Variants in DSE observed in about 807,000 individuals in gnomAD.
DSE encodes the protein dermatan-sulfate epimerase.
DSE carries 36 observed loss-of-function variants against 84.4 expected under a neutral mutation model. The observed-to-expected ratio is 0.43, with a 90% CI of 0.33 to 0.56. DSE has a LOEUF of 0.56. Among genes scored for constraint, DSE ranks in the 20% least tolerant of loss-of-function variants. DSE has a pLI of 0.06. For missense variants in DSE, 862 were observed against 1,169.6 expected, an observed-to-expected ratio of 0.74 and a Z score of 3.84; for synonymous variants, 410 against 430.1, an observed-to-expected ratio of 0.95 and a Z score of 0.58.
chr6:116,435,983 C>A lies in DSE; in HGVS notation c.1515C>A (p.Asp505Glu). ...CCTGGGTGGGTCAGGTCACAGAAGA[C>A]TGCTCATCAAAATGGTCTAAATACA... is the stretch of plus-strand genomic sequence containing the variant. Reference protein sequence around the residue: ...FSPWVGQVTEDCSSKWSKYKH... With the variant: ...FSPWVGQVTEECSSKWSKYKH... The change falls in exon 6 of 6, where the codon GAC (aspartate) becomes GAA (glutamate). Residue 505 changes from aspartate to glutamate, a missense_variant. This residue lies in a region of DSE where 186 missense variants were observed against 255.1 expected (regional missense o/e 0.73). Coordinates refer to ENST00000644252, the MANE Select transcript of DSE (RefSeq NM_013352.4). The A allele has an allele frequency of 6.2e-7, 1 of 1,614,152 alleles. No individual in the cohort carries two copies. The highest frequency in any genetic ancestry group is 1.3e-5 in the African/African-American group (1 of 75,042).
rs78537506 is a variant in DSE at position 116,305,572 on chromosome 6, A to G, written c.-54+46605A>G. Among the ~76,000 whole-genome samples, 18 of 152,304 alleles carry G rather than the reference A, an allele frequency of 1.2e-4. No homozygotes were observed. In the East Asian group the frequency reaches 3.3e-3, roughly 28 times the overall value. On this transcript the variant is annotated intron_variant, in intron 2 of 3. Coordinates refer to the DSE transcript ENST00000430252. ...CAATTGACAAAATTGGAATAGATAAAATTATTACATCAGTGTTAATGTCCT... is the reference window on the plus strand; with the variant it reads ...CAATTGACAAAATTGGAATAGATAAGATTATTACATCAGTGTTAATGTCCT...
At chr6:116,348,607 C>G (rs1425558244) in intron 2 of DSE, among the ~76,000 whole-genome samples, 3 of 152,120 alleles carry the variant, frequency 2.0e-5, no homozygotes, top group Non-Finnish European at 4.4e-5. Context: ...CCATTTGACC[C>G]AGCCATCCCA....
intron 2 of DSE, among the ~76,000 whole-genome samples, chr6:116,411,703 A>C (rs943872844): frequency 6.6e-6 from 1 of 152,216 alleles, no homozygotes; most frequent in Non-Finnish European, 1.5e-5. Context: ...CTAAATCATA[A>C]TTTCTAGAAA....
At chr6:116,404,812 G>A (rs1781813293) in intron 2 of DSE, among the ~76,000 whole-genome samples, 1 of 152,114 alleles carries the variant, frequency 6.6e-6, no homozygotes, top group Non-Finnish European at 1.5e-5. Flanking sequence ...TATTTGTTGT[G>A]ACTCTTTAGT....
In DSE at chr6:116,426,444, T is replaced by C. The variant is rs1008765095; in HGVS notation, c.417-130T>C. 7.4e-6 allele frequency: 9 copies of C among 1,210,202 alleles called. No individual in the cohort carries two copies. In the African/African-American group the frequency reaches 1.2e-4, roughly 16 times the overall value. 75.0% of individuals were successfully genotyped at this position (1,210,202 alleles called of 1,614,324 possible). ...TGTTTCTAATGTGGAGGGAAGTCAGTTGTGTGTCATTAAGCCCTTGGATTA... is the reference window on the plus strand; with the variant it reads ...TGTTTCTAATGTGGAGGGAAGTCAGCTGTGTGTCATTAAGCCCTTGGATTA... On this transcript the variant is annotated intron_variant, in intron 2 of 5. Coordinates refer to ENST00000644252, the MANE Select transcript of DSE (RefSeq NM_013352.4).
At chr6:116,420,545 C>A (rs1330065211) in intron 2 of DSE, among the ~76,000 whole-genome samples, 2 of 152,212 alleles carry the variant, frequency 1.3e-5, no homozygotes, top group East Asian at 1.9e-4. Flanking sequence ...CTCACCAAAA[C>A]CTGACCATGC....
chr6:116,337,167 G>A (rs1017216370), intron 2 of DSE, among the ~76,000 whole-genome samples: 6 of 152,300 alleles, frequency 3.9e-5, no homozygotes, highest in African/African-American at 1.4e-4. Context: ...ATAAGTGGTA[G>A]AGCTCGTATA....
intron 1 of DSE, among the ~76,000 whole-genome samples, chr6:116,387,566 T>C (rs484498): frequency 0.54 from 81,283 of 151,874 alleles, 22,636 homozygotes; most frequent in African/African-American, 0.66. Context: ...GCAGGCAGCT[T>C]GCAGGGAGAA....
intron 1 of DSE, chr6:116,258,367 T>G: frequency 1.6e-6 from 1 of 618,560 alleles, no homozygotes; most frequent in Non-Finnish European, 2.9e-6. Flanking sequence ...TTTCTTGAAA[T>G]TCATATTGTA....
intron 2 of DSE, among the ~76,000 whole-genome samples, chr6:116,338,219 C>T (rs113088339): frequency 7.7e-5 from 7 of 91,212 alleles, no homozygotes; most frequent in South Asian, 4.0e-4. Context: ...TTTCTTCTTT[C>T]TTTTTTTTTT....
intron 2 of DSE, among the ~76,000 whole-genome samples, chr6:116,414,032 G>T (rs1782543146): frequency 6.6e-6 from 1 of 152,220 alleles, no homozygotes; most frequent in Admixed American, 6.5e-5. Flanking sequence ...GCGACAGGAA[G>T]ATGATGGGGA....
Position 116,439,481 on chromosome 6 carries a change from CT to C in DSE, c.*2138del, listed in dbSNP as rs1784358213. 1 of 147,590 alleles carries C rather than the reference CT, an allele frequency of 6.8e-6. No homozygotes were observed. Among genetic ancestry groups the C allele is most frequent in the African/African-American group, 2.5e-5 (1 of 39,920 alleles). The allele number at this position is 147,590 out of a possible 1,614,324, so 9.1% of individuals were successfully genotyped here. A position where few individuals can be genotyped will look rare whatever the true frequency, so the allele number is the denominator to read the frequency against. ...TGGTATTTATTTCCTTAAAAAGAAACTTCCTCAGGCAGTGACTTAAGTGGTT... is the reference window on the plus strand; with the variant it reads ...TGGTATTTATTTCCTTAAAAAGAAACTCCTCAGGCAGTGACTTAAGTGGTT... On this transcript the variant is annotated 3_prime_UTR_variant, in exon 6 of 6. Coordinates refer to ENST00000644252, the MANE Select transcript of DSE (RefSeq NM_013352.4).
At chr6:116,331,571 C>A (rs1229338971) in intron 2 of DSE, among the ~76,000 whole-genome samples, 4 of 152,102 alleles carry the variant, frequency 2.6e-5, no homozygotes, top group African/African-American at 9.7e-5. Flanking sequence ...AGGTTCTGGG[C>A]GGGGACAGAG....
intron 1 of DSE, chr6:116,255,370 A>G (rs552074897): frequency 6.6e-6 from 1 of 152,272 alleles, no homozygotes; most frequent in Non-Finnish European, 1.5e-5. Context: ...CAACTAAGAT[A>G]AAGTACTGAT....
At chr6:116,426,976 C>A in intron 3 of DSE, 149 bp downstream of exon 3, 1 of 1,060,182 alleles carries the variant, frequency 9.4e-7, no homozygotes, top group Non-Finnish European at 1.3e-6. Flanking sequence ...CCTACAGTAT[C>A]ACTTAGTTAA....
At chr6:116,258,474 T>C (rs1250774740) in exon 2 of DSE, 3 of 987,168 alleles carry the variant, frequency 3.0e-6, no homozygotes, top group Non-Finnish European at 1.6e-6. Flanking sequence ...ACAGGTTTAT[T>C]GGGCAACAGC....
chr6:116,427,188 GA>G (rs1783501671), intron 3 of DSE, among the ~76,000 whole-genome samples: 1 of 152,142 alleles, frequency 6.6e-6, no homozygotes, highest in Non-Finnish European at 1.5e-5. Context: ...TTGGTTATTT[GA>G]AATGAAGATT....
chr6:116,392,833 C>T (rs368937021), intron 1 of DSE, among the ~76,000 whole-genome samples: 6 of 152,080 alleles, frequency 3.9e-5, no homozygotes, highest in Admixed American at 3.3e-4. Flanking sequence ...ATCTGCTTGA[C>T]GGTAAACGAA....
At chr6:116,254,201 A>G (rs1055416942) in exon 1 of DSE, 3 of 724,374 alleles carry the variant, frequency 4.1e-6, no homozygotes, top group African/African-American at 1.7e-5. Context: ...TTATCAATCC[A>G]TCGTATTCCT....
Sources: allele counts gnomAD v4.1 joint callset (sites outside exome capture counted in the v4.1 genomes callset), GRCh38; gene constraint gnomAD v4.1.1; regional missense constraint gnomAD v4.1.1; transcripts MANE v1.5; gene names NCBI Gene and HGNC (gene_info 2026-07-23, HGNC 2026-07-21).